Variants in SFMBT2 observed in about 807,000 individuals in gnomAD.
SFMBT2 encodes Scm like with four mbt domains 2.
Under a neutral mutation model 110.1 loss-of-function variants are expected in SFMBT2, and 38 were observed. The ratio of observed to expected loss-of-function variants is 0.35; its 90% confidence interval spans 0.27 to 0.45. SFMBT2 has a LOEUF of 0.45. Ranked by LOEUF, SFMBT2 falls within the 20% of genes least tolerant of loss-of-function variation. The pLI is 1.00. For missense variants in SFMBT2, 1,011 were observed against 1,094.9 expected (o/e 0.92, Z 1.08); for synonymous variants, 425 against 425.4 (o/e 1.00, Z 0.01).
At chr10:7,325,748 G>C (rs774347591) in intron 4 of SFMBT2, among the ~76,000 whole-genome samples, 1 of 152,176 alleles carries the variant, frequency 6.6e-6, no homozygotes, top group African/African-American at 2.4e-5. Context: ...ACAGAAGATA[G>C]TATCAGGGTG....
chr10:7,189,258 G>A (rs1193528346), intron 15 of SFMBT2: 1 of 746,818 alleles, frequency 1.3e-6, no homozygotes, highest in Admixed American at 6.3e-5. Context: ...TAATACTAGG[G>A]CAACCCTCTG....
intron 16 of SFMBT2, among the ~76,000 whole-genome samples, chr10:7,177,219 C>T (rs528300904): frequency 2.7e-4 from 41 of 152,308 alleles, no homozygotes; most frequent in African/African-American, 9.1e-4. Context: ...AATCATACTG[C>T]AAGGAGAATG....
At chr10:7,366,431 C>CA (rs890894030) in intron 4 of SFMBT2, among the ~76,000 whole-genome samples, 233 of 63,266 alleles carry the variant, frequency 3.7e-3, no homozygotes, top group African/African-American at 5.1e-3. Flanking sequence ...TATATCATAA[C>CA]AAAAAAAAAA....
At chr10:7,272,537 C>T (rs1274029407) in intron 7 of SFMBT2, among the ~76,000 whole-genome samples, 3 of 152,134 alleles carry the variant, frequency 2.0e-5, no homozygotes, top group South Asian at 2.1e-4. Context: ...TTAGACGCCC[C>T]CCACAGCCTC....
At chr10:7,203,210 G>C in intron 12 of SFMBT2, 1 of 771,254 alleles carries the variant, frequency 1.3e-6, no homozygotes, top group Non-Finnish European at 1.6e-6. Flanking sequence ...GAGTCTGGCA[G>C]GTTTGGAGTT....
intron 15 of SFMBT2, among the ~76,000 whole-genome samples, chr10:7,191,659 G>A (rs1231673341): frequency 6.6e-6 from 1 of 152,064 alleles, no homozygotes; most frequent in African/African-American, 2.4e-5. Context: ...ATTAGTATAG[G>A]ATTATTCCGT....
chr10:7,335,846 T>C (rs1843705054), intron 4 of SFMBT2, among the ~76,000 whole-genome samples: 1 of 152,240 alleles, frequency 6.6e-6, no homozygotes, highest in African/African-American at 2.4e-5. Flanking sequence ...ACAATGGCCT[T>C]CTAACCTAAT....
chr10:7,354,043 C>T (rs1377469359), intron 4 of SFMBT2, among the ~76,000 whole-genome samples: 5 of 150,230 alleles, frequency 3.3e-5, no homozygotes, highest in African/African-American at 7.4e-5. Context: ...GCCGAGATCA[C>T]GCTACTGCAC....
rs775818945 is a variant in SFMBT2 at position 7,308,166 on chromosome 10, G to GCAA, written c.437-22215_437-22213dup. Among the ~76,000 whole-genome samples, 16 of 152,204 alleles carry GCAA rather than the reference G, an allele frequency of 1.1e-4. No homozygotes were observed. In the East Asian group the frequency reaches 3.1e-3, roughly 29 times the overall value. On this transcript the variant is annotated intron_variant, in intron 4 of 20. Coordinates refer to ENST00000397167, the MANE Select transcript of SFMBT2 (RefSeq NM_001387889.1). ...GTCCAGGAGTTTGAGACCAGCCCAG[G>GCAA]CAACAGAGCAAGACTCCATCTCTAT...
chr10:7,384,275 G>C (rs1346043996), intron 1 of SFMBT2, among the ~76,000 whole-genome samples: 1 of 125,736 alleles, frequency 8.0e-6, no homozygotes, highest in Non-Finnish European at 1.6e-5. Context: ...CATCCCTGAA[G>C]AGAAATGGAC....
intron 10 of SFMBT2, among the ~76,000 whole-genome samples, chr10:7,223,337 C>T (rs769344374): frequency 2.3e-4 from 35 of 152,142 alleles, no homozygotes; most frequent in Admixed American, 5.2e-4. Context: ...TAATAGGTAT[C>T]TAGTGGTGTC....
At chr10:7,215,842 C>T in intron 11 of SFMBT2, 1 of 537,384 alleles carries the variant, frequency 1.9e-6, no homozygotes. Flanking sequence ...GACAAACTCG[C>T]TAGGCGGTAT....
chr10:7,204,936 G>A (rs1326722521), intron 12 of SFMBT2: 7 of 984,944 alleles, frequency 7.1e-6, no homozygotes, highest in African/African-American at 3.5e-5. Context: ...GTGCACACAT[G>A]TATGAATGGG....
chr10:7,343,023 C>T (rs1843981055), intron 4 of SFMBT2, among the ~76,000 whole-genome samples: 1 of 152,102 alleles, frequency 6.6e-6, no homozygotes, highest in Admixed American at 6.5e-5. Context: ...GTTTTTTAAT[C>T]CTTACTTTCT....
upstream of SFMBT2, chr10:7,411,467 T>G (rs1235673150): frequency 6.6e-6 from 1 of 152,202 alleles, no homozygotes; most frequent in Admixed American, 6.5e-5. Context: ...CAGTCGACCG[T>G]GTGCACAAAC....
intron 1 of SFMBT2, among the ~76,000 whole-genome samples, chr10:7,395,093 T>C (rs1845886778): frequency 1.3e-5 from 2 of 151,982 alleles, no homozygotes; most frequent in Admixed American, 1.3e-4. Flanking sequence ...CCAAGGTGGG[T>C]GGATTACCTG....
chr10:7,387,460 G>A (rs746972154), intron 1 of SFMBT2, among the ~76,000 whole-genome samples: 6 of 152,048 alleles, frequency 3.9e-5, no homozygotes, highest in Admixed American at 6.6e-5. Flanking sequence ...CCGTCCAACC[G>A]CACACATAAC....
rs561383896 is a variant in SFMBT2 at position 7,333,014 on chromosome 10, A to C, written c.436+34635T>G. 5.9e-5 allele frequency among the ~76,000 whole-genome samples: 9 copies of C among 152,122 alleles called. No homozygotes were observed. In the South Asian group the frequency reaches 1.9e-3, roughly 32 times the overall value. ...CCCGAGTAACTGGGATTACAGGCGC[A>C]CACCACCACGCCCAGCTAATTTTTG... On this transcript the variant is annotated intron_variant, in intron 4 of 20. Coordinates refer to ENST00000397167, the MANE Select transcript of SFMBT2 (RefSeq NM_001387889.1).
In SFMBT2 at chr10:7,301,349, C is replaced by A. The variant is rs1415283516; in HGVS notation, c.437-15395G>T. ...AGGGATCGTTTTGAAAGGAGAGATG[C>A]CACAGAAACGCTGATGGGTCAAGCA... On this transcript the variant is annotated intron_variant, in intron 4 of 20. Coordinates refer to ENST00000397167, the MANE Select transcript of SFMBT2 (RefSeq NM_001387889.1). This position sits in a 1 kb window ranked among gnomAD's most constrained non-coding sequence, Gnocchi z 4.2. 2.0e-5 allele frequency among the ~76,000 whole-genome samples: 3 copies of A among 152,160 alleles called. No individual in the cohort carries two copies. Among genetic ancestry groups the A allele is most frequent in the African/African-American group, 7.2e-5 (3 of 41,446 alleles).
Sources: allele counts gnomAD v4.1 joint callset (sites outside exome capture counted in the v4.1 genomes callset), GRCh38; gene constraint gnomAD v4.1.1; non-coding constraint Gnocchi (gnomAD v3.1); transcripts MANE v1.5; gene names NCBI Gene and HGNC (gene_info 2026-07-23, HGNC 2026-07-21).